Variants in SYNCRIP observed in about 807,000 individuals in gnomAD.
SYNCRIP encodes synaptotagmin binding cytoplasmic RNA interacting protein, also known as heterogeneous nuclear ribonucleoprotein Q.
Under a neutral mutation model 68.9 loss-of-function variants are expected in SYNCRIP, and 9 were observed. The observed-to-expected ratio is 0.13, with a 90% confidence interval of 0.08 to 0.23. SYNCRIP has a LOEUF of 0.23. Among genes scored for constraint, SYNCRIP ranks in the 10% least tolerant of loss-of-function variants. The pLI, the probability that SYNCRIP is intolerant of heterozygous loss-of-function variation, is 1.00. For missense variants in SYNCRIP, 414 were observed against 770.6 expected, an observed-to-expected ratio of 0.54 and a Z score of 5.48; for synonymous variants, 258 against 254.0, an observed-to-expected ratio of 1.02 and a Z score of -0.15.
chr6:85,635,336 C>A (rs763542942), intron 6 of SYNCRIP, among the ~76,000 whole-genome samples: 1 of 152,152 alleles, frequency 6.6e-6, no homozygotes, highest in Non-Finnish European at 1.5e-5. Context: ...AGAGAAAAAT[C>A]AGACATGATT....
At chr6:85,621,527 C>G (rs559435175) in intron 8 of SYNCRIP, among the ~76,000 whole-genome samples, 3 of 150,778 alleles carry the variant, frequency 2.0e-5, no homozygotes, top group African/African-American at 7.3e-5. Flanking sequence ...GTGAGAAGAT[C>G]TCTTGAGCTT....
At chr6:85,626,128 G>A (rs1807007959) in intron 6 of SYNCRIP, among the ~76,000 whole-genome samples, 1 of 152,228 alleles carries the variant, frequency 6.6e-6, no homozygotes, top group Non-Finnish European at 1.5e-5. Context: ...TCTTTTAACA[G>A]CAGAAACATG....
At chr6:85,631,678 C>T (rs1390158520) in intron 6 of SYNCRIP, among the ~76,000 whole-genome samples, 1 of 152,216 alleles carries the variant, frequency 6.6e-6, no homozygotes, top group Admixed American at 6.5e-5. Flanking sequence ...TTTAACACTA[C>T]CTAAACCACT....
chr6:85,608,789 T>A (rs1468250955), exon 12 of SYNCRIP: 1 of 152,054 alleles, frequency 6.6e-6, no homozygotes, highest in African/African-American at 2.4e-5. Flanking sequence ...CTGCAAATTT[T>A]CAAACTGAAT....
chr6:85,629,516 CAAAAAAAAAAAA>C lies in SYNCRIP; in HGVS notation c.667-5416_667-5405del, dbSNP rs781083306. Reference sequence around the variant, plus strand: ...CAGCCTGGTCAACAAACTAAAAATACAAAAAAAAAAAAAAAAAAAAAAAAGGGCCGGGTGCGG... The same window carrying C: ...CAGCCTGGTCAACAAACTAAAAATACAAAAAAAAAAAAGGGCCGGGTGCGG... On this transcript the variant is annotated intron_variant, in intron 6 of 10. Transcript: ENST00000369622. 7.7e-5 allele frequency among the ~76,000 whole-genome samples: 5 copies of C among 64,924 alleles called. No individual in the cohort carries two copies. The Admixed American group carries it at 8.0e-4, about 10-fold the overall frequency. 42.6% of individuals were successfully genotyped at this position (64,924 alleles called of 152,430 possible). A position where few individuals can be genotyped will look rare whatever the true frequency, so the allele number is the denominator to read the frequency against.
intron 9 of SYNCRIP, 95 bp downstream of exon 9, chr6:85,619,173 C>T: frequency 6.5e-7 from 1 of 1,529,116 alleles, no homozygotes; most frequent in Non-Finnish European, 8.9e-7. Flanking sequence ...CCATGGACTT[C>T]CAAAGTCTCC....
chr6:85,608,322 G>A (rs1268365273), downstream of SYNCRIP: 1 of 152,016 alleles, frequency 6.6e-6, no homozygotes, highest in Non-Finnish European at 1.5e-5. Context: ...GACTCCTGGA[G>A]ATCCTAAGAC....
intron 2 of SYNCRIP, 27 bp downstream of exon 2, chr6:85,641,265 T>C (rs1583325086): frequency 1.3e-6 from 2 of 1,582,748 alleles, no homozygotes; most frequent in East Asian, 2.2e-5. Context: ...AATTTCATAA[T>C]GTAATTTTGC....
At chr6:85,622,040 G>A (rs1394759898) in intron 8 of SYNCRIP, among the ~76,000 whole-genome samples, 2 of 149,162 alleles carry the variant, frequency 1.3e-5, no homozygotes, top group African/African-American at 5.2e-5. Flanking sequence ...CCGTAGTAAA[G>A]AACATTTCTC....
chr6:85,607,853 G>A (rs1484312432), downstream of SYNCRIP: 1 of 152,058 alleles, frequency 6.6e-6, no homozygotes, highest in Admixed American at 6.5e-5. Context: ...GTTCTGAAAT[G>A]ATGAAAGCTT....
intron 3 of SYNCRIP, 36 bp from the exon 4 acceptor site, chr6:85,640,364 C>A: frequency 6.3e-7 from 1 of 1,596,212 alleles, no homozygotes; most frequent in Non-Finnish European, 8.6e-7. Context: ...TTAACAATAA[C>A]CATATCTGAG....
intron 4 of SYNCRIP, among the ~76,000 whole-genome samples, chr6:85,639,522 C>T (rs1362971989): frequency 6.6e-6 from 1 of 152,198 alleles, no homozygotes; most frequent in African/African-American, 2.4e-5. Flanking sequence ...TACAACAATG[C>T]TCAAGGCCTA....
intron 6 of SYNCRIP, among the ~76,000 whole-genome samples, chr6:85,631,616 T>C (rs952987090): frequency 2.6e-5 from 4 of 152,210 alleles, no homozygotes; most frequent in African/African-American, 9.6e-5. Flanking sequence ...AGATAAAAAG[T>C]GTTAGATGCT....
At chr6:85,627,632 G>C (rs1297037062) in intron 6 of SYNCRIP, among the ~76,000 whole-genome samples, 1 of 152,078 alleles carries the variant, frequency 6.6e-6, no homozygotes, top group Non-Finnish European at 1.5e-5. Context: ...TTTAATACTA[G>C]TAAACCCTAA....
intron 4 of SYNCRIP, 133 bp downstream of exon 4, chr6:85,640,084 TAAAA>T (rs938162906): frequency 1.2e-5 from 8 of 652,488 alleles, no homozygotes; most frequent in African/African-American, 9.2e-5. Flanking sequence ...TAAAAAAACT[TAAAA>T]AAAGGAATTA....
intron 10 of SYNCRIP, among the ~76,000 whole-genome samples, chr6:85,617,197 TAAA>T (rs77973702): frequency 1.6e-5 from 2 of 122,832 alleles, no homozygotes; most frequent in Non-Finnish European, 3.6e-5. Context: ...AGTTAAAACT[TAAA>T]AAAAAAAAAA....
chr6:85,636,220 G>A (rs6909654), intron 6 of SYNCRIP, among the ~76,000 whole-genome samples: 12,160 of 152,158 alleles, frequency 0.08, 787 homozygotes, highest in East Asian at 0.22. Context: ...CGAAGCGAGT[G>A]GATCACCGGA....
chr6:85,616,145 T>G (rs1805740650), intron 10 of SYNCRIP, among the ~76,000 whole-genome samples: 1 of 152,188 alleles, frequency 6.6e-6, no homozygotes, highest in African/African-American at 2.4e-5. Flanking sequence ...GCTTACATAC[T>G]ATGTAAAAGG....
chr6:85,641,238 C>A, intron 2 of SYNCRIP, 54 bp downstream of exon 2: 2 of 1,518,152 alleles, frequency 1.3e-6, no homozygotes, highest in South Asian at 1.2e-5. Context: ...AGCTCAAAGC[C>A]AGAAATCCAA....
Sources: gnomAD v4.1 joint callset for allele counts (sites outside exome capture counted in the v4.1 genomes callset) on GRCh38, gnomAD v4.1.1 for gene constraint, MANE v1.5 for transcripts, NCBI Gene and HGNC (gene_info 2026-07-23, HGNC 2026-07-21) for gene names.